SPDEF: variants seen among roughly 807,000 people sequenced by gnomAD.
The protein encoded by SPDEF is SAM pointed domain-containing Ets transcription factor.
A neutral mutation model predicts 36.0 loss-of-function variants in SPDEF; 12 were observed. That is an observed-to-expected ratio of 0.33 (90% CI 0.21 to 0.54). The LOEUF (loss-of-function observed/expected upper bound fraction) is 0.54, where lower values mean the gene tolerates loss of function less well. Among genes scored for constraint, SPDEF ranks in the 20% least tolerant of loss-of-function variants. SPDEF has a pLI of 0.93. For synonymous variants in SPDEF, 205 were observed against 193.0 expected, an observed-to-expected ratio of 1.06 and a Z score of -0.51; for missense variants, 388 against 456.9, an observed-to-expected ratio of 0.85 and a Z score of 1.37.
rs1767778599 is a variant in SPDEF at position 34,539,711 on chromosome 6, G to A, written c.635-149C>T. On this transcript the variant is annotated intron_variant, in intron 3 of 5. Transcript: ENST00000374037. This position sits in a 1 kb window ranked among gnomAD's most constrained non-coding sequence, Gnocchi z 5.2. The stretch of plus-strand genomic sequence containing the variant: ...TCCCTGCCTCCTGCCAACCTGGGGA[G>A]GCAAGCTGGTTACAAGAAGCTGCTT... The A allele has an allele frequency of 1.1e-6, 1 of 885,454 alleles. No homozygotes were observed. Among genetic ancestry groups the A allele is most frequent in the Non-Finnish European group, 1.8e-6 (1 of 551,098 alleles). The allele number at this position is 885,454 out of a possible 1,614,324, so 54.8% of individuals were successfully genotyped here.
At position 34,548,506 on chromosome 6, in the gene SPDEF, C is replaced by T. The variant is rs183466273; in HGVS notation, c.-29-4022G>A. On this transcript the variant is annotated intron_variant, in intron 1 of 5. Coordinates refer to ENST00000374037, the MANE Select transcript of SPDEF (RefSeq NM_012391.3). ...GGCTGGTGCCTACCTCTGAGTCTAC[C>T]TCCTACCTGGCCCAGATAATCAGAG... 2.0e-5 allele frequency among the ~76,000 whole-genome samples: 3 copies of T among 152,302 alleles called. No homozygotes were observed. In the East Asian group the frequency reaches 5.8e-4, roughly 29 times the overall value.
intron 1 of SPDEF, among the ~76,000 whole-genome samples, chr6:34,545,598 G>C (rs1229272375): frequency 1.3e-5 from 2 of 152,236 alleles, no homozygotes; most frequent in African/African-American, 4.8e-5. Flanking sequence ...AGTGATGTGG[G>C]GGCCTGAGAC....
In SPDEF at chr6:34,552,712, GA is replaced by G. The variant is rs1366584233; in HGVS notation, c.-30+3216del. Reference sequence around the variant, plus strand: ...AGAGGGGTGTTAGGACAAAGTGAAGGACTCCAACATCACAGATGAGAAAAGT... The same window carrying G: ...AGAGGGGTGTTAGGACAAAGTGAAGGCTCCAACATCACAGATGAGAAAAGT... On this transcript the variant is annotated intron_variant, in intron 1 of 5. Coordinates refer to ENST00000374037, the MANE Select transcript of SPDEF (RefSeq NM_012391.3). This position sits in a 1 kb window ranked among gnomAD's most constrained non-coding sequence, Gnocchi z 4.6. 6.6e-6 allele frequency among the ~76,000 whole-genome samples: 1 copy of G among 152,196 alleles called. No individual in the cohort carries two copies. Among genetic ancestry groups the G allele is most frequent in the Non-Finnish European group, 1.5e-5 (1 of 68,042 alleles).
At chr6:34,549,217 G>A (rs1239001907) in intron 1 of SPDEF, among the ~76,000 whole-genome samples, 1 of 152,230 alleles carries the variant, frequency 6.6e-6, no homozygotes, top group Non-Finnish European at 1.5e-5. Flanking sequence ...CTGCTCCAGA[G>A]GCCCCAGATC....
At chr6:34,548,284 C>A (rs192073084) in intron 1 of SPDEF, among the ~76,000 whole-genome samples, 1 of 152,332 alleles carries the variant, frequency 6.6e-6, no homozygotes, top group African/African-American at 2.4e-5. Flanking sequence ...CACATTCTCT[C>A]TGAGGTGCAT....
chr6:34,553,083 G>A (rs1470733918), intron 1 of SPDEF, among the ~76,000 whole-genome samples: 9 of 152,044 alleles, frequency 5.9e-5, no homozygotes, highest in East Asian at 1.9e-4. Flanking sequence ...CTGGTGGTGC[G>A]CCGTCATAAT....
At position 34,556,149 on chromosome 6, in the gene SPDEF, G is replaced by T. The variant is rs547784461; in HGVS notation, c.-250C>A. On this transcript the variant is annotated 5_prime_UTR_variant, in exon 1 of 6. Coordinates refer to ENST00000374037, the MANE Select transcript of SPDEF (RefSeq NM_012391.3). ...TGGCCCTCTGAGGTCTCAGGGCTGCGTGCCTGTAGGGAGTCCCCTACCCCC... is the reference window on the plus strand; with the variant it reads ...TGGCCCTCTGAGGTCTCAGGGCTGCTTGCCTGTAGGGAGTCCCCTACCCCC... The T allele has an allele frequency of 6.6e-6, 1 of 152,298 alleles. No homozygotes were observed. Among genetic ancestry groups the T allele is most frequent in the Non-Finnish European group, 1.5e-5 (1 of 68,026 alleles). The allele number at this position is 152,298 out of a possible 1,614,324, so 9.4% of individuals were successfully genotyped here. A position where few individuals can be genotyped will look rare whatever the true frequency, so the allele number is the denominator to read the frequency against.
At chr6:34,548,565 T>C (rs1009275349) in intron 1 of SPDEF, among the ~76,000 whole-genome samples, 9 of 152,112 alleles carry the variant, frequency 5.9e-5, no homozygotes, top group Non-Finnish European at 7.4e-5. Context: ...GATTGTTTCA[T>C]AGAATGGGAA....
At chr6:34,549,289 AGAATG>A (rs1439648549) in intron 1 of SPDEF, among the ~76,000 whole-genome samples, 1 of 152,224 alleles carries the variant, frequency 6.6e-6, no homozygotes, top group Non-Finnish European at 1.5e-5. Flanking sequence ...AGACAGGAGC[AGAATG>A]GTGGGGTGGC....
In SPDEF at chr6:34,539,724, CA is replaced by C. The variant is rs1286341711; in HGVS notation, c.635-163del. 6.6e-6 allele frequency among the ~76,000 whole-genome samples: 1 copy of C among 152,304 alleles called. No homozygotes were observed. Among genetic ancestry groups the C allele is most frequent in the South Asian group, 2.1e-4 (1 of 4,828 alleles). On this transcript the variant is annotated intron_variant, in intron 3 of 5. Coordinates refer to ENST00000374037, the MANE Select transcript of SPDEF (RefSeq NM_012391.3). The surrounding 1 kb of genome is among the most constrained non-coding windows in gnomAD (Gnocchi z 5.2). ...CCAACCTGGGGAGGCAAGCTGGTTACAAGAAGCTGCTTCCTGGAAGAAAATT... is the reference window on the plus strand; with the variant it reads ...CCAACCTGGGGAGGCAAGCTGGTTACAGAAGCTGCTTCCTGGAAGAAAATT...
At chr6:34,553,086 G>A (rs1003766328) in intron 1 of SPDEF, among the ~76,000 whole-genome samples, 4 of 152,164 alleles carry the variant, frequency 2.6e-5, no homozygotes, top group African/African-American at 2.4e-5. Flanking sequence ...GTGGTGCGCC[G>A]TCATAATCCT....
At chr6:34,550,023 G>A (rs1317311178) in intron 1 of SPDEF, among the ~76,000 whole-genome samples, 3 of 152,224 alleles carry the variant, frequency 2.0e-5, no homozygotes, top group Non-Finnish European at 4.4e-5. Context: ...GAGTGGGCAG[G>A]GGCCACATGG....
At position 34,552,594 on chromosome 6, in the gene SPDEF, C is replaced by G. The variant is rs1311645542; in HGVS notation, c.-30+3335G>C. On this transcript the variant is annotated intron_variant, in intron 1 of 5. Coordinates refer to ENST00000374037, the MANE Select transcript of SPDEF (RefSeq NM_012391.3). The surrounding 1 kb of genome is among the most constrained non-coding windows in gnomAD (Gnocchi z 4.6). ...GGGAAGGCAGAGGCCCTCCACACAC[C>G]TGGTTGTTGGTCTGTAAAATCTTGA... 1.3e-5 allele frequency among the ~76,000 whole-genome samples: 2 copies of G among 152,206 alleles called. No individual in the cohort carries two copies. The highest frequency in any genetic ancestry group is 3.9e-4 in the East Asian group (2 of 5,182).
Position 34,538,713 on chromosome 6 carries a change from G to C in SPDEF, c.830-261C>G, listed in dbSNP as rs1767748146. Among the ~76,000 whole-genome samples, 1 of 152,216 alleles carries C rather than the reference G, an allele frequency of 6.6e-6. No individual in the cohort carries two copies. The highest frequency in any genetic ancestry group is 1.5e-5 in the Non-Finnish European group (1 of 68,030). ...ATACTCTGGAGTCACAAACCTCCCG[G>C]TACAGGTGAGCCTGTGTACCTTAGT... On this transcript the variant is annotated intron_variant, in intron 5 of 5. Transcript: ENST00000374037. The surrounding 1 kb of genome is among the most constrained non-coding windows in gnomAD (Gnocchi z 5.9).
intron 1 of SPDEF, among the ~76,000 whole-genome samples, chr6:34,547,611 C>T (rs1767981481): frequency 6.6e-6 from 1 of 152,152 alleles, no homozygotes; most frequent in Non-Finnish European, 1.5e-5. Flanking sequence ...AAGTGATCCC[C>T]CTGCTTCAGC....
Position 34,543,218 on chromosome 6 carries a change from A to AAAG in SPDEF, c.436+799_436+801dup, listed in dbSNP as rs1561977919. Among the ~76,000 whole-genome samples the AAAG allele has an allele frequency of 3.9e-3, 499 of 126,714 alleles. 2 individuals carry two copies. The highest frequency in any genetic ancestry group is 5.7e-3 in the Non-Finnish European group (357 of 62,700). 83.1% of individuals were successfully genotyped at this position (126,714 alleles called of 152,430 possible). On this transcript the variant is annotated intron_variant, in intron 2 of 5. Transcript: ENST00000374037. ...CTCAAAAAAAAAAAAAAAAAAAAAAAAAGAAGAAAAAGAAAAAAAAAAGAA... is the reference window on the plus strand; with the variant it reads ...CTCAAAAAAAAAAAAAAAAAAAAAAAAAGAAGAAGAAAAAGAAAAAAAAAAGAA...
rs867279569 is a variant in SPDEF at position 34,539,116 on chromosome 6, T to G, written c.829+134A>C. On this transcript the variant is annotated intron_variant, in intron 5 of 5. Coordinates refer to ENST00000374037, the MANE Select transcript of SPDEF (RefSeq NM_012391.3). The surrounding 1 kb of genome is among the most constrained non-coding windows in gnomAD (Gnocchi z 5.2). The stretch of plus-strand genomic sequence containing the variant: ...GGGCTGTCCCATGAGAGCTGCATAT[T>G]TGGCATCTAGGACAAAGGTGGGGAT... The G allele has an allele frequency of 7.9e-6, 8 of 1,014,440 alleles. No homozygotes were observed. In the African/African-American group the frequency reaches 9.6e-5, roughly 12 times the overall value. The allele number at this position is 1,014,440 out of a possible 1,614,324, so 62.8% of individuals were successfully genotyped here. A position where few individuals can be genotyped will look rare whatever the true frequency, so the allele number is the denominator to read the frequency against.
intron 1 of SPDEF, among the ~76,000 whole-genome samples, chr6:34,550,677 C>G (rs1167226031): frequency 2.6e-5 from 4 of 151,892 alleles, no homozygotes; most frequent in African/African-American, 9.7e-5. Context: ...TGAGTTTCAC[C>G]TTGGGGAGCC....
intron 1 of SPDEF, among the ~76,000 whole-genome samples, chr6:34,551,372 G>A (rs574969509): frequency 3.9e-5 from 6 of 152,300 alleles, no homozygotes; most frequent in African/African-American, 1.4e-4. Context: ...TGGAAAGAAC[G>A]AAGACCTCCA....
Sources: gnomAD v4.1 joint callset for allele counts (sites outside exome capture counted in the v4.1 genomes callset) on GRCh38, gnomAD v4.1.1 for gene constraint, Gnocchi (gnomAD v3.1) non-coding constraint, MANE v1.5 for transcripts, NCBI Gene and HGNC (gene_info 2026-07-23, HGNC 2026-07-21) for gene names.